Variants in PPHLN1 observed in about 807,000 individuals in gnomAD.
The protein encoded by PPHLN1 is periphilin 1, also known as periphilin-1.
In PPHLN1, 29 loss-of-function variants were observed where a neutral mutation model predicts 51.3. The observed-to-expected ratio is 0.57, with a 90% CI of 0.42 to 0.77. PPHLN1 has a LOEUF of 0.77. PPHLN1 is among the 30% of genes least tolerant of loss of function. The probability of loss-of-function intolerance (pLI) is 0.00; values close to 1 mark genes in which losing one functional copy is unlikely to be tolerated. For synonymous variants in PPHLN1, 147 were observed against 147.8 expected (o/e 0.99, Z 0.04); for missense variants, 436 against 438.4 (o/e 0.99, Z 0.05).
At chr12:42,364,402 G>C (rs979275127) in intron 4 of PPHLN1, among the ~76,000 whole-genome samples, 3 of 152,030 alleles carry the variant, frequency 2.0e-5, no homozygotes, top group African/African-American at 7.2e-5. Flanking sequence ...GGCTGAAGTG[G>C]GAGGATAGCT....
chr12:42,412,764 TCACTGCATC>T (rs757784269), intron 9 of PPHLN1, among the ~76,000 whole-genome samples: 1 of 152,212 alleles, frequency 6.6e-6, no homozygotes, highest in Non-Finnish European at 1.5e-5. Flanking sequence ...TATTCCCTTT[TCACTGCATC>T]CACACCAACA....
At chr12:42,425,688 C>G (rs1173845646) in intron 9 of PPHLN1, among the ~76,000 whole-genome samples, 2 of 152,200 alleles carry the variant, frequency 1.3e-5, no homozygotes, top group Non-Finnish European at 2.9e-5. Context: ...TGCCCAGCCT[C>G]CTCAGGTTTT....
chr12:42,351,838 A>G, intron 2 of PPHLN1, 47 bp from the exon 3 acceptor site: 1 of 1,488,292 alleles, frequency 6.7e-7, no homozygotes, highest in East Asian at 2.5e-5. Context: ...TCCAAAACCA[A>G]ATAGAGAAAT....
chr12:42,382,403 G>T (rs2076829699), intron 5 of PPHLN1, among the ~76,000 whole-genome samples: 1 of 151,688 alleles, frequency 6.6e-6, no homozygotes, highest in South Asian at 2.1e-4. Context: ...TTTTTTTTCT[G>T]GTTTCTTTCC....
intron 2 of PPHLN1, chr12:42,350,176 G>A (rs560406257): frequency 1.3e-5 from 2 of 151,790 alleles, no homozygotes; most frequent in African/African-American, 2.4e-5. Flanking sequence ...CAGACCGGGC[G>A]GCTGGGGGAG....
chr12:42,416,995 T>C (rs1363483476), intron 9 of PPHLN1, among the ~76,000 whole-genome samples: 1 of 152,218 alleles, frequency 6.6e-6, no homozygotes, highest in Non-Finnish European at 1.5e-5. Flanking sequence ...ACATGAGTAT[T>C]ATGATTAAGA....
At chr12:42,419,551 A>G (rs1048764692) in intron 9 of PPHLN1, among the ~76,000 whole-genome samples, 3 of 152,210 alleles carry the variant, frequency 2.0e-5, no homozygotes, top group Non-Finnish European at 1.5e-5. Flanking sequence ...TTTTCTATAT[A>G]GTAGTTGCAT....
intron 4 of PPHLN1, among the ~76,000 whole-genome samples, chr12:42,368,612 C>CT (rs2075505074): frequency 6.6e-6 from 1 of 152,148 alleles, no homozygotes; most frequent in Non-Finnish European, 1.5e-5. Context: ...ATGTGGAACT[C>CT]TAAGTAAATG....
chr12:42,411,850 G>T (rs546830150), intron 9 of PPHLN1, among the ~76,000 whole-genome samples: 1 of 144,300 alleles, frequency 6.9e-6, no homozygotes, highest in African/African-American at 2.6e-5. Context: ...GTTGCAGTGT[G>T]TGGAGATCGT....
In PPHLN1 at chr12:42,424,571, C is replaced by T. The variant is rs574520013; in HGVS notation, c.910-16744C>T. ...TTTCAGTTGGCATATAATGTAAATA[C>T]AGCTTCAGGGGCTGGCCTATCTTAG... On this transcript the variant is annotated intron_variant, in intron 9 of 9. Transcript: ENST00000358314. 2.3e-4 allele frequency among the ~76,000 whole-genome samples: 35 copies of T among 152,276 alleles called. 1 individual carries two copies. Among genetic ancestry groups the T allele is most frequent in the African/African-American group, 7.5e-4 (31 of 41,558 alleles).
At chr12:42,332,700 C>CACTT (rs780888699) in intron 1 of PPHLN1, 3 of 1,527,196 alleles carry the variant, frequency 2.0e-6, no homozygotes, top group Non-Finnish European at 2.7e-6. Context: ...TAAAAGGACT[C>CACTT]AAGTAAGTAT....
intron 4 of PPHLN1, among the ~76,000 whole-genome samples, chr12:42,363,737 G>A (rs1043770100): frequency 1.3e-5 from 2 of 151,904 alleles, no homozygotes; most frequent in Admixed American, 6.6e-5. Context: ...TCACCTGCTC[G>A]TCTTGTTTCT....
chr12:42,445,018 A>G, downstream of PPHLN1: 2 of 701,178 alleles, frequency 2.9e-6, no homozygotes, highest in Non-Finnish European at 5.2e-6. Flanking sequence ...ATTGTTAGTG[A>G]CTCTGCTTAC....
downstream of PPHLN1, chr12:42,442,680 G>A (rs753832818): frequency 2.5e-6 from 4 of 1,614,168 alleles, no homozygotes; most frequent in Admixed American, 5.0e-5. Context: ...CCCCCTGTGA[G>A]GAACACTGAA....
chr12:42,383,663 G>T (rs530355235), intron 5 of PPHLN1, among the ~76,000 whole-genome samples: 2 of 152,082 alleles, frequency 1.3e-5, no homozygotes, highest in African/African-American at 4.8e-5. Context: ...TCCATCATGA[G>T]GCTCTGAGCA....
chr12:42,438,726 C>T (rs765837703), intron 9 of PPHLN1, among the ~76,000 whole-genome samples: 2 of 152,122 alleles, frequency 1.3e-5, no homozygotes, highest in Non-Finnish European at 2.9e-5. Context: ...CTCAGTCTCC[C>T]GAGTAGCTGG....
At chr12:42,400,775 T>TTCTC (rs149564937) in intron 9 of PPHLN1, among the ~76,000 whole-genome samples, 34 of 125,566 alleles carry the variant, frequency 2.7e-4, no homozygotes, top group Admixed American at 4.9e-4. Flanking sequence ...CTCTCTCTCT[T>TTCTC]TCTCTCTCTC....
At chr12:42,422,586 A>G (rs1418319888) in intron 9 of PPHLN1, among the ~76,000 whole-genome samples, 2 of 152,218 alleles carry the variant, frequency 1.3e-5, no homozygotes, top group African/African-American at 4.8e-5. Context: ...GAGTCATTCC[A>G]GTTTTAGTGA....
chr12:42,330,808 C>T (rs1248471611), intron 1 of PPHLN1, among the ~76,000 whole-genome samples: 2 of 152,174 alleles, frequency 1.3e-5, no homozygotes, highest in Non-Finnish European at 2.9e-5. Flanking sequence ...CTCTCGGGTT[C>T]AAGCGATTCT....
Sources: gnomAD v4.1 joint callset for allele counts (sites outside exome capture counted in the v4.1 genomes callset) on GRCh38, gnomAD v4.1.1 for gene constraint, MANE v1.5 for transcripts, NCBI Gene and HGNC (gene_info 2026-07-23, HGNC 2026-07-21) for gene names.